The following OPCML variants were observed in gnomAD, a reference collection of about 807,000 sequenced individuals.
OPCML encodes opioid-binding protein/cell adhesion molecule.
In OPCML, 13 loss-of-function variants were observed where a neutral mutation model predicts 37.8. The observed-to-expected ratio is 0.34, with a 90% CI of 0.22 to 0.55. The LOEUF is 0.55. Ranked by LOEUF, OPCML falls within the 20% of genes least tolerant of loss-of-function variation. The probability of loss-of-function intolerance (pLI) is 0.91; values close to 1 mark genes in which losing one functional copy is unlikely to be tolerated. For synonymous variants in OPCML, 176 were observed against 168.8 expected, an observed-to-expected ratio of 1.04 and a Z score of -0.33; for missense variants, 341 against 435.6, an observed-to-expected ratio of 0.78 and a Z score of 1.93.
intron 4 of OPCML, among the ~76,000 whole-genome samples, chr11:132,499,676 T>C (rs1440060009): frequency 2.0e-5 from 3 of 152,214 alleles, no homozygotes; most frequent in Non-Finnish European, 4.4e-5. Context: ...TTCCTCTCTA[T>C]GCCTCAGCAT....
rs1207684551 is a variant in OPCML, at chr11:133,173,594, C to T, written c.62-230584G>A. 1.3e-5 allele frequency among the ~76,000 whole-genome samples: 2 copies of T among 152,096 alleles called. No individual in the cohort carries two copies. Among genetic ancestry groups the T allele is most frequent in the Non-Finnish European group, 2.9e-5 (2 of 68,012 alleles). On this transcript the variant is annotated intron_variant, in intron 1 of 7. Transcript: ENST00000524381. This position sits in a 1 kb window ranked among gnomAD's most constrained non-coding sequence, Gnocchi z 7.8. Reference sequence around the variant, plus strand: ...CCAGCATTCAAATCACATCACCTTTCAAATCACCCCCCAGATGCCTCTCAT... The same window carrying T: ...CCAGCATTCAAATCACATCACCTTTTAAATCACCCCCCAGATGCCTCTCAT...
intron 3 of OPCML, among the ~76,000 whole-genome samples, chr11:132,555,385 G>A (rs1463785895): frequency 6.6e-6 from 1 of 152,014 alleles, no homozygotes; most frequent in African/African-American, 2.4e-5. Flanking sequence ...AGAACCAAGT[G>A]AAAGGGGTTT....
At chr11:132,930,916 A>G (rs917286925) in intron 2 of OPCML, among the ~76,000 whole-genome samples, 3 of 152,236 alleles carry the variant, frequency 2.0e-5, no homozygotes, top group African/African-American at 7.2e-5. Context: ...TCCAAAACAT[A>G]CTACAAAGTT....
At chr11:132,995,479 CTCCTTCCT>C (rs150751221) in intron 1 of OPCML, among the ~76,000 whole-genome samples, 2 of 149,366 alleles carry the variant, frequency 1.3e-5, no homozygotes, top group African/African-American at 4.9e-5. Flanking sequence ...CCCTCTGTCT[CTCCTTCCT>C]TCCTTCCTTC....
intron 2 of OPCML, among the ~76,000 whole-genome samples, chr11:132,806,925 C>A (rs12421870): frequency 6.6e-6 from 1 of 152,168 alleles, no homozygotes; most frequent in East Asian, 1.9e-4. Flanking sequence ...GCACACATTT[C>A]TAAATAACTC....
At chr11:133,107,729 G>T (rs1159586982) in intron 1 of OPCML, among the ~76,000 whole-genome samples, 4 of 152,188 alleles carry the variant, frequency 2.6e-5, no homozygotes, top group Non-Finnish European at 5.9e-5. Flanking sequence ...TGACTGCCTT[G>T]AAGTGCTTTC....
At chr11:132,984,912 C>T (rs973761522) in intron 1 of OPCML, among the ~76,000 whole-genome samples, 5 of 152,196 alleles carry the variant, frequency 3.3e-5, no homozygotes, top group Non-Finnish European at 5.9e-5. Flanking sequence ...TTAACAAATT[C>T]GCTCACAGGC....
chr11:132,624,607 C>G (rs1030898266), intron 3 of OPCML, among the ~76,000 whole-genome samples: 1 of 152,016 alleles, frequency 6.6e-6, no homozygotes, highest in African/African-American at 2.4e-5. Flanking sequence ...CCATGTTGAT[C>G]TCACTGATCC....
intron 1 of OPCML, among the ~76,000 whole-genome samples, chr11:133,152,239 C>A (rs1194593793): frequency 2.6e-5 from 4 of 152,166 alleles, no homozygotes; most frequent in Non-Finnish European, 5.9e-5. Context: ...CCCACTCCCA[C>A]TCTGATTCCC....
At chr11:132,991,326 T>A (rs1335614912) in intron 1 of OPCML, among the ~76,000 whole-genome samples, 2 of 152,220 alleles carry the variant, frequency 1.3e-5, no homozygotes, top group East Asian at 3.9e-4. Flanking sequence ...GGATCATATT[T>A]GTATTCATTT....
intron 1 of OPCML, among the ~76,000 whole-genome samples, chr11:133,112,507 T>A (rs1949272146): frequency 6.6e-6 from 1 of 152,186 alleles, no homozygotes; most frequent in Admixed American, 6.5e-5. Context: ...AATCATGACA[T>A]CTTCCAAATA....
At chr11:132,701,770 G>C (rs1472281632) in intron 2 of OPCML, among the ~76,000 whole-genome samples, 1 of 142,154 alleles carries the variant, frequency 7.0e-6, no homozygotes, top group South Asian at 2.1e-4. Flanking sequence ...GATTGTGTGT[G>C]TGTGTGTGTG....
chr11:133,511,065 C>T (rs1329334448), intron 1 of OPCML, among the ~76,000 whole-genome samples: 6 of 152,204 alleles, frequency 3.9e-5, no homozygotes. Context: ...TCAACTTTAT[C>T]CTTCCAATTG....
chr11:133,374,475 A>T (rs964368882), intron 1 of OPCML, among the ~76,000 whole-genome samples: 1 of 152,142 alleles, frequency 6.6e-6, no homozygotes. Flanking sequence ...TCGTGTGTCC[A>T]TTATATCTCA....
intron 2 of OPCML, among the ~76,000 whole-genome samples, chr11:132,716,392 ATC>A (rs1944481144): frequency 6.4e-5 from 3 of 47,038 alleles, no homozygotes; most frequent in African/African-American, 1.2e-4. Flanking sequence ...CTGTCTATTT[ATC>A]TATCTATCTA....
At chr11:133,028,184 C>T (rs1329087324) in intron 1 of OPCML, among the ~76,000 whole-genome samples, 2 of 151,964 alleles carry the variant, frequency 1.3e-5, no homozygotes, top group Non-Finnish European at 2.9e-5. Context: ...AGGCACCACT[C>T]ATTGCAATAT....
At chr11:132,440,171 A>G (rs1172445423) in intron 4 of OPCML, among the ~76,000 whole-genome samples, 4 of 152,138 alleles carry the variant, frequency 2.6e-5, no homozygotes, top group Non-Finnish European at 5.9e-5. Context: ...TTTTTATGGG[A>G]CCAGTTATGC....
chr11:133,439,450 T>C (rs1224934449), intron 1 of OPCML: 2 of 985,006 alleles, frequency 2.0e-6, no homozygotes, highest in Admixed American at 6.2e-5. Context: ...TTTTTTGTTT[T>C]TTTGTTTTTC....
chr11:132,969,939 T>C (rs953193874), intron 1 of OPCML, among the ~76,000 whole-genome samples: 3 of 152,204 alleles, frequency 2.0e-5, no homozygotes, highest in Admixed American at 6.5e-5. Flanking sequence ...TTTCTGTTGC[T>C]GTATTTTTTT....
Sources: gnomAD v4.1 joint callset for allele counts (sites outside exome capture counted in the v4.1 genomes callset) on GRCh38, gnomAD v4.1.1 for gene constraint, Gnocchi (gnomAD v3.1) non-coding constraint, MANE v1.5 for transcripts, NCBI Gene and HGNC (gene_info 2026-07-23, HGNC 2026-07-21) for gene names.